The following PCDH11X variants were observed in gnomAD, a reference collection of about 807,000 sequenced individuals.
PCDH11X encodes protocadherin-11 X-linked.
In PCDH11X, 18 loss-of-function variants were observed where a neutral mutation model predicts 53.3. That is an observed-to-expected ratio of 0.34 (90% CI 0.23 to 0.50). The LOEUF is 0.50. Among genes scored for constraint, PCDH11X ranks in the 20% least tolerant of loss-of-function variants. The pLI is 0.98. For synonymous variants in PCDH11X, 279 were observed against 393.3 expected (o/e 0.71, Z 3.44); for missense variants, 570 against 1,032.4 (o/e 0.55, Z 6.14).
At position 92,147,963 on chromosome X, in the gene PCDH11X, CCCTTCCTT is replaced by C. The variant is rs750116403; in HGVS notation, c.3034-53395_3034-53388del. Among the ~76,000 whole-genome samples, 10 of 80,237 alleles carry C rather than the reference CCCTTCCTT, an allele frequency of 1.2e-4. No individual in the cohort carries two copies. The East Asian group carries it at 1.7e-3, about 13-fold the overall frequency. 69.7% of individuals were successfully genotyped at this position (80,237 alleles called of 115,157 possible). ...TCTTCCTTCCTTCCTTTCCTTCTTTCCCTTCCTTCCTTCCTTCCTTCCTTTCTTTCTTT... is the reference window on the plus strand; with the variant it reads ...TCTTCCTTCCTTCCTTTCCTTCTTTCCCTTCCTTCCTTCCTTTCTTTCTTT... On this transcript the variant is annotated intron_variant, in intron 6 of 10. Transcript: ENST00000682573.
chrX:92,061,738 C>G lies in PCDH11X; in HGVS notation c.3034-139637C>G, dbSNP rs1462752389. Among the ~76,000 whole-genome samples the G allele has an allele frequency of 2.3e-4, 25 of 110,703 alleles. 1 individual carries two copies. The Admixed American group carries it at 2.4e-3, about 11-fold the overall frequency. On this transcript the variant is annotated intron_variant, in intron 6 of 10. Transcript: ENST00000682573. ...TTTGAGGTTGAGTAATGTGATGCCT[C>G]CAACTTTGTTCTTTTTACTTAGGAT...
At chrX:92,322,952 T>A (rs1350637968) in intron 8 of PCDH11X, among the ~76,000 whole-genome samples, 6 of 111,674 alleles carry the variant, frequency 5.4e-5, no homozygotes, top group African/African-American at 2.0e-4. Flanking sequence ...TGTCTAGTCA[T>A]TGGAACCACA....
intron 7 of PCDH11X, among the ~76,000 whole-genome samples, chrX:92,244,403 C>T (rs887407484): frequency 9.2e-6 from 1 of 109,241 alleles, no homozygotes; most frequent in Admixed American, 1.0e-4. Flanking sequence ...CAGTCTTTTA[C>T]TGTCATTCAA....
intron 8 of PCDH11X, among the ~76,000 whole-genome samples, chrX:92,264,462 T>G (rs1306298484): frequency 9.0e-6 from 1 of 111,314 alleles, no homozygotes; most frequent in African/African-American, 3.3e-5. Context: ...GCTGCTACTA[T>G]GTACAGTGTG....
chrX:92,102,685 G>A (rs1272607759), intron 6 of PCDH11X, among the ~76,000 whole-genome samples: 1 of 111,496 alleles, frequency 9.0e-6, no homozygotes, highest in East Asian at 2.9e-4. Flanking sequence ...GCGAAAACAG[G>A]TTGGGATGAA....
At chrX:92,018,427 A>G (rs1320388430) in intron 6 of PCDH11X, among the ~76,000 whole-genome samples, 1 of 112,128 alleles carries the variant, frequency 8.9e-6, no homozygotes, top group Non-Finnish European at 1.9e-5. Context: ...AAAATTGACC[A>G]GGATGTATAG....
intron 6 of PCDH11X, among the ~76,000 whole-genome samples, chrX:92,100,895 T>C (rs947923859): frequency 1.8e-5 from 2 of 110,603 alleles, no homozygotes; most frequent in African/African-American, 6.6e-5. Context: ...TGTTGGGTTG[T>C]TAGAAGAAAC....
chrX:92,204,765 C>T (rs1329047880), intron 7 of PCDH11X, among the ~76,000 whole-genome samples: 2 of 111,845 alleles, frequency 1.8e-5, no homozygotes, highest in African/African-American at 6.5e-5. Context: ...AAGAAATACC[C>T]GAGACTGGGT....
chrX:92,364,836 G>A (rs1201071664), intron 8 of PCDH11X, among the ~76,000 whole-genome samples: 20 of 92,369 alleles, frequency 2.2e-4, no homozygotes, highest in African/African-American at 8.2e-4. Context: ...GGGCTGTAGT[G>A]CACTAAAAAG....
chrX:92,324,606 G>A (rs2069287293), intron 8 of PCDH11X, among the ~76,000 whole-genome samples: 1 of 102,131 alleles, frequency 9.8e-6, no homozygotes, highest in South Asian at 4.9e-4. Flanking sequence ...AGAAAAGATA[G>A]CAATGTAGTA....
chrX:91,920,979 C>A (rs369684199), intron 6 of PCDH11X, among the ~76,000 whole-genome samples: 69 of 111,315 alleles, frequency 6.2e-4, no homozygotes, highest in African/African-American at 2.2e-3. Flanking sequence ...AACTCTGTAT[C>A]TACAAATGCT....
At chrX:92,037,325 C>T (rs2063141296) in intron 6 of PCDH11X, among the ~76,000 whole-genome samples, 1 of 110,266 alleles carries the variant, frequency 9.1e-6, no homozygotes, top group Admixed American at 9.7e-5. Context: ...TTTTCGGTTC[C>T]TGTGTTAGTT....
In PCDH11X at chrX:91,824,554, G is replaced by A. The variant is rs775365901; in HGVS notation, c.-44-10907G>A. 4.5e-3 allele frequency among the ~76,000 whole-genome samples: 481 copies of A among 107,565 alleles called. 12 individuals carry two copies. The highest frequency in any genetic ancestry group is 0.038 in the Admixed American group (387 of 10,159). The allele number at this position is 107,565 out of a possible 115,157, so 93.4% of individuals were successfully genotyped here. ...CTCCTTTAAGCACTTCTCTGTATTG[G>A]TTATTCTAGTTATACATTCTTCTAA... is the stretch of plus-strand genomic sequence containing the variant. On this transcript the variant is annotated intron_variant, in intron 4 of 10. Coordinates refer to ENST00000682573, the MANE Select transcript of PCDH11X (RefSeq NM_032968.5).
chrX:92,337,287 C>G (rs1040865125), intron 8 of PCDH11X, among the ~76,000 whole-genome samples: 1 of 110,272 alleles, frequency 9.1e-6, no homozygotes, highest in Non-Finnish European at 1.9e-5. Context: ...ATGAATTCCA[C>G]AAGTTCTCTG....
intron 6 of PCDH11X, among the ~76,000 whole-genome samples, chrX:92,199,070 A>G (rs2066345925): frequency 8.9e-6 from 1 of 111,950 alleles, no homozygotes; most frequent in Admixed American, 9.5e-5. Context: ...CAGCATCACT[A>G]GTGAAACAAC....
At chrX:91,857,610 A>G (rs1938424916) in intron 5 of PCDH11X, among the ~76,000 whole-genome samples, 1 of 112,188 alleles carries the variant, frequency 8.9e-6, no homozygotes, top group Admixed American at 9.4e-5. Context: ...TCCAGATGGG[A>G]GAAATTGGCC....
At chrX:91,982,644 G>A in intron 6 of PCDH11X, 1 of 1,135,481 alleles carries the variant, frequency 8.8e-7, no homozygotes, top group South Asian at 1.8e-5. Flanking sequence ...CAATTGTAGA[G>A]TATTCATTTA....
chrX:92,613,074 T>A (rs1927553972), intron 10 of PCDH11X, among the ~76,000 whole-genome samples: 1 of 110,433 alleles, frequency 9.1e-6, no homozygotes. Context: ...CTCCATATCT[T>A]TTAAATTGGA....
At chrX:92,212,511 T>TG (rs2066610982) in intron 7 of PCDH11X, among the ~76,000 whole-genome samples, 2 of 110,914 alleles carry the variant, frequency 1.8e-5, no homozygotes, top group East Asian at 5.7e-4. Context: ...CCACCATGCC[T>TG]GGCTAATTTT....
Sources: allele counts gnomAD v4.1 joint callset (sites outside exome capture counted in the v4.1 genomes callset), GRCh38; gene constraint gnomAD v4.1.1; transcripts MANE v1.5; gene names NCBI Gene and HGNC (gene_info 2026-07-23, HGNC 2026-07-21).